GALNT13: variants seen among roughly 807,000 people sequenced by gnomAD.
GALNT13 encodes the protein polypeptide N-acetylgalactosaminyltransferase 13, also known as UDP-GalNAc:polypeptide N-acetylgalactosaminyltransferase 13.
Under a neutral mutation model 64.2 loss-of-function variants are expected in GALNT13, and 28 were observed. That is an observed-to-expected ratio of 0.44 (90% CI 0.32 to 0.60). The LOEUF (loss-of-function observed/expected upper bound fraction) is 0.60, where lower values mean the gene tolerates loss of function less well. GALNT13 is among the 20% of genes least tolerant of loss of function. The pLI is 0.05. For synonymous variants in GALNT13, 214 were observed against 224.6 expected, an observed-to-expected ratio of 0.95 and a Z score of 0.42; for missense variants, 577 against 669.8, an observed-to-expected ratio of 0.86 and a Z score of 1.53.
intron 6 of GALNT13, among the ~76,000 whole-genome samples, chr2:154,244,980 G>A (rs369727149): frequency 2.6e-5 from 4 of 151,928 alleles, no homozygotes; most frequent in African/African-American, 9.6e-5. Flanking sequence ...AATTAGCCAG[G>A]TATGATGGCA....
At chr2:154,086,758 G>A (rs746050845) in intron 3 of GALNT13, among the ~76,000 whole-genome samples, 63 of 147,342 alleles carry the variant, frequency 4.3e-4, no homozygotes, top group Non-Finnish European at 7.8e-4. Flanking sequence ...TAAGTTATAT[G>A]TTAGCATACG....
the GALNT13 span, among the ~76,000 whole-genome samples, chr2:153,496,148 T>A: frequency 6.6e-4 from 100 of 152,228 alleles, no homozygotes; most frequent in Non-Finnish European, 1.2e-3. Flanking sequence ...ATTTTAGGGT[T>A]TGATTTTCTC....
intron 3 of GALNT13, among the ~76,000 whole-genome samples, chr2:154,015,673 A>G (rs1184111931): frequency 6.6e-6 from 1 of 152,218 alleles, no homozygotes; most frequent in Non-Finnish European, 1.5e-5. Flanking sequence ...TTTGGAAGAA[A>G]TGAATGAAAA....
chr2:153,447,019 T>A, the GALNT13 span: 1 of 152,186 alleles, frequency 6.6e-6, no homozygotes, highest in Non-Finnish European at 1.5e-5. Flanking sequence ...ATTCTTTACA[T>A]TGAAAGGTTT....
chr2:154,178,755 G>A lies in GALNT13; in HGVS notation c.311+38250G>A, dbSNP rs533307616. ...TTTATCTCCCTGTTGCCGGCATCAT[G>A]GTCAATGTCCTTTCCCATTCAGCCA... On this transcript the variant is annotated intron_variant, in intron 4 of 12. Transcript: ENST00000392825. Among the ~76,000 whole-genome samples, 40 of 152,168 alleles carry A rather than the reference G, an allele frequency of 2.6e-4. No individual in the cohort carries two copies. In the South Asian group the frequency reaches 3.1e-3, roughly 12 times the overall value.
the GALNT13 span, among the ~76,000 whole-genome samples, chr2:153,405,683 A>G: frequency 1.3e-5 from 2 of 152,208 alleles, no homozygotes; most frequent in Non-Finnish European, 2.9e-5. Flanking sequence ...CTGTAAGAAC[A>G]TATTAGAATT....
chr2:153,989,268 A>G lies in GALNT13; in HGVS notation c.142+44629A>G, dbSNP rs549576323. On this transcript the variant is annotated intron_variant, in intron 3 of 12. Transcript: ENST00000392825. ...ATACGGTCATAGATCTGCATTGTAT[A>G]TGTTTCAAACTCTTAAGTATAAACC... Among the ~76,000 whole-genome samples the G allele has an allele frequency of 3.4e-4, 51 of 152,056 alleles. No individual in the cohort carries two copies. In the South Asian group the frequency reaches 0.011, roughly 32 times the overall value.
the GALNT13 span, among the ~76,000 whole-genome samples, chr2:153,516,278 A>G: frequency 2.0e-5 from 3 of 152,196 alleles, no homozygotes; most frequent in African/African-American, 7.2e-5. Context: ...TGATAGTGCC[A>G]AAGTCCTCAG....
intron 3 of GALNT13, among the ~76,000 whole-genome samples, chr2:154,087,730 C>T (rs1701604561): frequency 1.3e-5 from 2 of 152,068 alleles, no homozygotes; most frequent in Admixed American, 1.3e-4. Flanking sequence ...TGTGGTTCAT[C>T]TTCCTGACAC....
At chr2:154,231,600 T>C (rs1688919468) in intron 4 of GALNT13, among the ~76,000 whole-genome samples, 1 of 151,824 alleles carries the variant, frequency 6.6e-6, no homozygotes, top group Non-Finnish European at 1.5e-5. Context: ...AACAAGTCTA[T>C]AAGGGGTGAC....
intron 3 of GALNT13, among the ~76,000 whole-genome samples, chr2:154,013,795 A>G (rs1304808968): frequency 6.6e-6 from 1 of 152,008 alleles, no homozygotes; most frequent in Non-Finnish European, 1.5e-5. Context: ...CTGCTGTAGG[A>G]AGAGGGTTGG....
At chr2:153,709,315 C>T in the GALNT13 span, among the ~76,000 whole-genome samples, 1 of 151,742 alleles carries the variant, frequency 6.6e-6, no homozygotes, top group Non-Finnish European at 1.5e-5. Context: ...AAAAACCCAA[C>T]TAAAAGAAGG....
the GALNT13 span, among the ~76,000 whole-genome samples, chr2:153,217,582 T>C: frequency 5.9e-5 from 9 of 152,232 alleles, no homozygotes; most frequent in Admixed American, 5.9e-4. Context: ...TCACTACTGT[T>C]TTCCTCAGTT....
At chr2:153,478,492 C>A in the GALNT13 span, 10 of 1,611,710 alleles carry the variant, frequency 6.2e-6, no homozygotes, top group Non-Finnish European at 7.6e-6. Context: ...GCGCACGGCT[C>A]GCTCCAGCGC....
the GALNT13 span, among the ~76,000 whole-genome samples, chr2:153,177,885 C>T: frequency 6.6e-6 from 1 of 152,082 alleles, no homozygotes; most frequent in African/African-American, 2.4e-5. Flanking sequence ...CATCATACCC[C>T]TAGGCTTTGG....
intron 2 of GALNT13, among the ~76,000 whole-genome samples, chr2:153,929,299 C>T (rs751232536): frequency 6.6e-6 from 1 of 152,192 alleles, no homozygotes; most frequent in East Asian, 1.9e-4. Flanking sequence ...TATCCCCGGC[C>T]TTATCCCAGC....
In GALNT13 at chr2:153,985,304, A is replaced by G. The variant is rs759012370; in HGVS notation, c.142+40665A>G. Among the ~76,000 whole-genome samples the G allele has an allele frequency of 2.6e-5, 4 of 151,968 alleles. No homozygotes were observed. In the South Asian group the frequency reaches 8.3e-4, roughly 31 times the overall value. On this transcript the variant is annotated intron_variant, in intron 3 of 12. Transcript: ENST00000392825. ...TCTTCCCTCCAAAATGTAAATGTCC[A>G]TTTCTCCTGAAGTCCATTTGGCTGC...
chr2:154,375,801 T>A (rs999822811), intron 9 of GALNT13, among the ~76,000 whole-genome samples: 5 of 152,218 alleles, frequency 3.3e-5, no homozygotes, highest in Admixed American at 3.3e-4. Flanking sequence ...ACTGCATGTA[T>A]GCTTTTGAAG....
At chr2:154,038,133 A>C (rs1001402666) in intron 3 of GALNT13, among the ~76,000 whole-genome samples, 2 of 152,162 alleles carry the variant, frequency 1.3e-5, no homozygotes, top group Non-Finnish European at 2.9e-5. Flanking sequence ...AAAAGAAAGA[A>C]AAAATAGTAA....
Sources: allele counts gnomAD v4.1 joint callset (sites outside exome capture counted in the v4.1 genomes callset), GRCh38; gene constraint gnomAD v4.1.1; transcripts MANE v1.5; gene names NCBI Gene and HGNC (gene_info 2026-07-23, HGNC 2026-07-21).